SH3D21: variants seen among roughly 807,000 people sequenced by gnomAD.
The protein encoded by SH3D21 is manchette microtubule inner protein 1.
SH3D21 carries 83 observed loss-of-function variants against 82.1 expected under a neutral mutation model. That is an observed-to-expected ratio of 1.01 (90% CI 0.85 to 1.21). The LOEUF is 1.21. Among genes scored for constraint, SH3D21 ranks in the 50% most tolerant of loss-of-function variants. SH3D21 has a pLI of 0.00. For missense variants in SH3D21, 980 were observed against 962.1 expected, an observed-to-expected ratio of 1.02 and a Z score of -0.25; for synonymous variants, 383 against 387.8, an observed-to-expected ratio of 0.99 and a Z score of 0.15.
At position 36,319,176 on chromosome 1, in the gene SH3D21, G is replaced by C; in HGVS notation, c.863+12G>C. 6.4e-7 allele frequency: 1 copy of C among 1,551,056 alleles called. No homozygotes were observed. The highest frequency in any genetic ancestry group is 8.7e-7 in the Non-Finnish European group (1 of 1,146,388). On this transcript the variant is annotated intron_variant, in intron 11 of 15. Transcript: ENST00000453908. ...CCCAGCAAAGCCAAGTAAGGAGCAGGATGGGGTTGGGGGAAGGAGGAGGGT... is the reference window on the plus strand; with the variant it reads ...CCCAGCAAAGCCAAGTAAGGAGCAGCATGGGGTTGGGGGAAGGAGGAGGGT...
Position 36,307,381 on chromosome 1 carries a change from G to A in SH3D21, c.345+96G>A. 6.6e-7 allele frequency: 1 copy of A among 1,521,272 alleles called. No homozygotes were observed. The highest frequency in any genetic ancestry group is 8.9e-7 in the Non-Finnish European group (1 of 1,123,724). 94.2% of individuals were successfully genotyped at this position (1,521,272 alleles called of 1,614,324 possible). A position where few individuals can be genotyped will look rare whatever the true frequency, so the allele number is the denominator to read the frequency against. ...AAGTGAGGGTGTGGACGGTGGGAAT[G>A]GCGACGGTGCAGATACGGGGAAGCG... On this transcript the variant is annotated intron_variant, in intron 4 of 15. Coordinates refer to ENST00000453908, the MANE Select transcript of SH3D21 (RefSeq NM_001162530.2). This position sits in a 1 kb window ranked among gnomAD's most constrained non-coding sequence, Gnocchi z 5.4.
Position 36,306,857 on chromosome 1 carries a change from C to T in SH3D21, c.178C>T (p.Leu60=). The T allele has an allele frequency of 1.5e-6, 2 of 1,297,702 alleles. No homozygotes were observed. Among genetic ancestry groups the T allele is most frequent in the South Asian group, 2.5e-5 (2 of 80,598 alleles). The allele number at this position is 1,297,702 out of a possible 1,614,324, so 80.4% of individuals were successfully genotyped here. Residue 60 remains leucine, a synonymous_variant, in exon 3 of 16, where the codon CTG becomes TTG. Transcript: ENST00000453908. The surrounding 1 kb of genome is among the most constrained non-coding windows in gnomAD (Gnocchi z 4.5). ...ERLVQEIPET[L]RGSGEARRPR... The stretch of plus-strand genomic sequence containing the variant: ...TGATTCCCAGGAGATCCCAGAGACC[C>T]TGCGGGGCTCCGGAGAGGCGCGGAG...
intron 10 of SH3D21, among the ~76,000 whole-genome samples, chr1:36,316,384 G>A (rs1202222268): frequency 2.6e-5 from 4 of 152,262 alleles, no homozygotes; most frequent in Non-Finnish European, 4.4e-5. Flanking sequence ...ACAGGCACGC[G>A]CCACCACGCC....
intron 10 of SH3D21, 72 bp downstream of exon 10, chr1:36,309,662 C>T: frequency 6.6e-7 from 1 of 1,508,430 alleles, no homozygotes; most frequent in Non-Finnish European, 9.0e-7. Context: ...CTTATAAACA[C>T]CCACAGCACC....
downstream of SH3D21, chr1:36,322,556 G>A: frequency 1.3e-6 from 2 of 1,591,382 alleles, no homozygotes; most frequent in East Asian, 2.2e-5. Context: ...CCTCGTCCTC[G>A]TCGTCGTCCT....
downstream of SH3D21, chr1:36,322,592 G>C (rs760727308): frequency 3.2e-6 from 5 of 1,566,704 alleles, no homozygotes; most frequent in African/African-American, 6.8e-5. Flanking sequence ...TGCTGCGGGG[G>C]TCCCGGCGCT....
intron 13 of SH3D21, 32 bp from the exon 14 acceptor site, chr1:36,319,643 C>A: frequency 6.4e-7 from 1 of 1,555,288 alleles, no homozygotes; most frequent in Non-Finnish European, 8.7e-7. Context: ...CAGACTCAAC[C>A]TCAGCTGAGA....
At chr1:36,329,894 C>T (rs1052348007), downstream of SH3D21, among the ~76,000 whole-genome samples, 2 of 152,038 alleles carry the variant, frequency 1.3e-5, no homozygotes, top group Non-Finnish European at 2.9e-5. Context: ...CCCCTCCTTT[C>T]GCATAGGTCT....
downstream of SH3D21, chr1:36,324,672 G>C (rs181093221): frequency 2.0e-5 from 3 of 152,350 alleles, no homozygotes; most frequent in African/African-American, 7.2e-5. Flanking sequence ...TTCAAGTAGA[G>C]GGCAGATCTA....
intron 10 of SH3D21, among the ~76,000 whole-genome samples, chr1:36,317,667 G>A (rs1646367662): frequency 6.6e-6 from 1 of 152,096 alleles, no homozygotes; most frequent in South Asian, 2.1e-4. Flanking sequence ...AGGTTCAAGC[G>A]ATTTTCCTGC....
At chr1:36,319,030 C>G (rs1421256945) in intron 10 of SH3D21, 41 bp from the exon 11 acceptor site, 1 of 1,221,074 alleles carries the variant, frequency 8.2e-7, no homozygotes, top group South Asian at 1.3e-5. Flanking sequence ...ACAGGGCTAG[C>G]GACTGTCAGA....
chr1:36,327,977 T>C (rs1217688240), downstream of SH3D21: 4 of 819,022 alleles, frequency 4.9e-6, no homozygotes, highest in Non-Finnish European at 3.6e-6. Flanking sequence ...CCTGCTGTTC[T>C]GGCCCTCATC....
Position 36,306,600 on chromosome 1 carries a change from G to A in SH3D21, c.7G>A (p.Val3Ile), listed in dbSNP as rs1173011957. The A allele has an allele frequency of 3.1e-6, 4 of 1,302,838 alleles. No homozygotes were observed. The Admixed American group carries it at 9.2e-5, about 30-fold the overall frequency. The allele number at this position is 1,302,838 out of a possible 1,614,324, so 80.7% of individuals were successfully genotyped here. The change falls in exon 2 of 16, where the codon GTC becomes ATC. Residue 3 changes from valine (V) to isoleucine (I), a missense_variant and splice_region_variant. Physicochemically the swap from Val to Ile is conservative, Grantham distance 29. Transcript: ENST00000453908. This position sits in a 1 kb window ranked among gnomAD's most constrained non-coding sequence, Gnocchi z 4.5. ...CCGGCCCCGTCTTCCGCCCGCAGAA[G>A]TCCTCGTCCTGGCCGGATACCGCGC... ME[V>I]LVLAGYRAQK...
Position 36,307,663 on chromosome 1 carries a change from G to T in SH3D21, c.436+56G>T. 6.5e-7 allele frequency: 1 copy of T among 1,543,710 alleles called. No homozygotes were observed. Among genetic ancestry groups the T allele is most frequent in the Non-Finnish European group, 8.8e-7 (1 of 1,141,086 alleles). ...CGCAATCTCCAATGACCCTCCCAGT[G>T]GCATGAGCCTGTGATTCACATATCC... On this transcript the variant is annotated intron_variant, in intron 5 of 15. Coordinates refer to ENST00000453908, the MANE Select transcript of SH3D21 (RefSeq NM_001162530.2). This position sits in a 1 kb window ranked among gnomAD's most constrained non-coding sequence, Gnocchi z 5.4.
At chr1:36,322,980 G>T, downstream of SH3D21, 3 of 1,606,482 alleles carry the variant, frequency 1.9e-6, no homozygotes, top group Non-Finnish European at 2.5e-6. Context: ...CCGCGGATGT[G>T]CGCGTAGGCA....
chr1:36,329,375 T>A (rs1178670626), downstream of SH3D21, among the ~76,000 whole-genome samples: 1 of 151,776 alleles, frequency 6.6e-6, no homozygotes, highest in Non-Finnish European at 1.5e-5. Context: ...AGTAGTTGCA[T>A]TCCTGGAAAA....
Position 36,307,908 on chromosome 1 carries a change from C to A in SH3D21, c.493-10C>A, listed in dbSNP as rs1257698293. The A allele has an allele frequency of 6.4e-7, 1 of 1,551,734 alleles. No homozygotes were observed. The highest frequency in any genetic ancestry group is 1.2e-5 in the South Asian group (1 of 84,064). On this transcript the variant is annotated splice_polypyrimidine_tract_variant and intron_variant, in intron 6 of 15. Transcript: ENST00000453908. The surrounding 1 kb of genome is among the most constrained non-coding windows in gnomAD (Gnocchi z 5.4). ...CTCATCTAGTTCCTCCCTGCCCCTT[C>A]CCCCACTAGCTGAGCAGCCTGGCCT... is the stretch of plus-strand genomic sequence containing the variant.
downstream of SH3D21, chr1:36,323,325 G>T: frequency 2.5e-6 from 1 of 395,484 alleles, no homozygotes; most frequent in South Asian, 3.9e-5. Flanking sequence ...GCCCGGTTCC[G>T]CCGTCCCGGG....
At chr1:36,322,558 C>T, downstream of SH3D21, 3 of 1,589,754 alleles carry the variant, frequency 1.9e-6, no homozygotes, top group South Asian at 2.2e-5. Context: ...TCGTCCTCGT[C>T]GTCGTCCTCG....
Sources: allele counts gnomAD v4.1 joint callset (sites outside exome capture counted in the v4.1 genomes callset), GRCh38; gene constraint gnomAD v4.1.1; non-coding constraint Gnocchi (gnomAD v3.1); transcripts MANE v1.5; gene names NCBI Gene and HGNC (gene_info 2026-07-23, HGNC 2026-07-21).